Variants in SPIDR observed in about 807,000 individuals in gnomAD.
SPIDR encodes scaffold protein involved in DNA repair.
SPIDR carries 93 observed loss-of-function variants against 104.6 expected under a neutral mutation model. The ratio of observed to expected loss-of-function variants is 0.89; its 90% confidence interval spans 0.75 to 1.06. SPIDR has a LOEUF of 1.06. Among genes scored for constraint, SPIDR ranks in the 50% least tolerant of loss-of-function variants. SPIDR has a pLI of 0.00. For missense variants in SPIDR, 1,154 were observed against 1,111.2 expected, an observed-to-expected ratio of 1.04 and a Z score of -0.55; for synonymous variants, 431 against 416.9, an observed-to-expected ratio of 1.03 and a Z score of -0.41.
rs924400573 is a variant in SPIDR at position 47,671,623 on chromosome 8, C to A, written c.1545-2178C>A. ...AAATAAATAAATAAATAAATAAATA[C>A]AAATAAAAAAATTAAAATGTCCTTA... On this transcript the variant is annotated intron_variant, in intron 10 of 19. Coordinates refer to ENST00000297423, the MANE Select transcript of SPIDR (RefSeq NM_001080394.4). Among the ~76,000 whole-genome samples the A allele has an allele frequency of 5.0e-4, 40 of 80,268 alleles. No homozygotes were observed. The East Asian group carries it at 5.3e-3, about 11-fold the overall frequency. 52.7% of individuals were successfully genotyped at this position (80,268 alleles called of 152,430 possible).
chr8:47,641,730 A>G (rs1453525640), intron 10 of SPIDR, among the ~76,000 whole-genome samples: 1 of 152,180 alleles, frequency 6.6e-6, no homozygotes, highest in East Asian at 1.9e-4. Context: ...CAACTGAAGC[A>G]GGGAAACTTG....
At chr8:47,647,655 G>A (rs112549667) in intron 10 of SPIDR, among the ~76,000 whole-genome samples, 1,979 of 49,086 alleles carry the variant, frequency 0.04, no homozygotes, top group South Asian at 0.051. Flanking sequence ...AGAGAGAGAG[G>A]GAGAGAGAGA....
chr8:47,418,470 G>A (rs1239693664), intron 7 of SPIDR, among the ~76,000 whole-genome samples: 4 of 152,142 alleles, frequency 2.6e-5, no homozygotes, highest in African/African-American at 9.7e-5. Flanking sequence ...AATTGATTTT[G>A]TATCCTGAGA....
At chr8:47,543,990 G>A (rs1405839076) in intron 8 of SPIDR, among the ~76,000 whole-genome samples, 1 of 152,076 alleles carries the variant, frequency 6.6e-6, no homozygotes, top group Admixed American at 6.6e-5. Context: ...TCTGGTTAAA[G>A]GTTAATAAGG....
intron 1 of SPIDR, among the ~76,000 whole-genome samples, chr8:47,268,783 A>C (rs2034631225): frequency 6.6e-6 from 1 of 152,050 alleles, no homozygotes; most frequent in Non-Finnish European, 1.5e-5. Context: ...AAATATTGAG[A>C]TTGTATCCTG....
chr8:47,324,259 T>C (rs1186504566), intron 5 of SPIDR, among the ~76,000 whole-genome samples: 2 of 152,210 alleles, frequency 1.3e-5, no homozygotes, highest in Non-Finnish European at 2.9e-5. Context: ...AACACAACTC[T>C]GTGTGATTCT....
intron 8 of SPIDR, among the ~76,000 whole-genome samples, chr8:47,518,961 T>G (rs2083586713): frequency 6.6e-6 from 1 of 152,136 alleles, no homozygotes; most frequent in African/African-American, 2.4e-5. Flanking sequence ...TTTTAAAGTC[T>G]TACGTTAGCA....
At chr8:47,324,785 T>G (rs1161688764) in intron 5 of SPIDR, among the ~76,000 whole-genome samples, 1 of 152,178 alleles carries the variant, frequency 6.6e-6, no homozygotes. Context: ...TATATTAGTT[T>G]GCTAGTGCTG....
intron 3 of SPIDR, 143 bp downstream of exon 3, chr8:47,284,237 A>G: frequency 3.2e-6 from 2 of 618,102 alleles, no homozygotes; most frequent in South Asian, 5.5e-5. Context: ...AGATAAGGTA[A>G]AAAGATATTT....
intron 5 of SPIDR, among the ~76,000 whole-genome samples, chr8:47,303,680 A>G (rs1012686688): frequency 1.3e-5 from 2 of 152,122 alleles, no homozygotes; most frequent in Non-Finnish European, 2.9e-5. Flanking sequence ...CATATGTTGA[A>G]CCATCTTTGC....
intron 16 of SPIDR, among the ~76,000 whole-genome samples, chr8:47,726,046 G>A (rs118118448): frequency 0.033 from 4,957 of 152,326 alleles, 116 homozygotes; most frequent in Non-Finnish European, 0.053. Context: ...GGGATGCCCC[G>A]GCTCCTTTCT....
intron 16 of SPIDR, among the ~76,000 whole-genome samples, chr8:47,721,200 C>A (rs1236619540): frequency 1.3e-5 from 2 of 152,190 alleles, no homozygotes; most frequent in African/African-American, 4.8e-5. Context: ...TCTAGATTTT[C>A]TCCTGTTTTC....
intron 11 of SPIDR, among the ~76,000 whole-genome samples, chr8:47,686,376 C>G (rs189853258): frequency 1.2e-4 from 18 of 152,170 alleles, no homozygotes; most frequent in African/African-American, 4.3e-4. Flanking sequence ...GCTGAATTCT[C>G]AAAATTGGAA....
intron 10 of SPIDR, among the ~76,000 whole-genome samples, chr8:47,667,337 T>C (rs1035272637): frequency 4.6e-5 from 7 of 151,130 alleles, no homozygotes; most frequent in African/African-American, 1.7e-4. Context: ...GTGGCTCATG[T>C]TGATAATCCC....
At chr8:47,360,600 A>G (rs2055663769) in intron 5 of SPIDR, among the ~76,000 whole-genome samples, 1 of 152,144 alleles carries the variant, frequency 6.6e-6, no homozygotes, top group Non-Finnish European at 1.5e-5. Context: ...GGCTGTTGGT[A>G]AACTCCAGCC....
chr8:47,462,976 C>T (rs1423006285), intron 8 of SPIDR, among the ~76,000 whole-genome samples: 1 of 152,078 alleles, frequency 6.6e-6, no homozygotes, highest in African/African-American at 2.4e-5. Context: ...GTACAATTTT[C>T]TACAAAAACA....
At chr8:47,268,929 G>T (rs1326147235) in intron 1 of SPIDR, among the ~76,000 whole-genome samples, 1 of 152,180 alleles carries the variant, frequency 6.6e-6, no homozygotes, top group Non-Finnish European at 1.5e-5. Context: ...CACTTTGGGA[G>T]GCTGAGGCGG....
Position 47,390,865 on chromosome 8 carries a change from T to C in SPIDR, c.526-5511T>C, listed in dbSNP as rs144753836. On this transcript the variant is annotated intron_variant, in intron 5 of 19. Coordinates refer to ENST00000297423, the MANE Select transcript of SPIDR (RefSeq NM_001080394.4). ...CAAATCTGTCTTGTTCCAAAACTTATGGCCCTCCTTTCTCGTTAGTCTGAT... is the reference window on the plus strand; with the variant it reads ...CAAATCTGTCTTGTTCCAAAACTTACGGCCCTCCTTTCTCGTTAGTCTGAT... Among the ~76,000 whole-genome samples, 858 of 152,302 alleles carry C rather than the reference T, an allele frequency of 5.6e-3. 10 individuals carry two copies. The highest frequency in any genetic ancestry group is 0.014 in the Middle Eastern group (4 of 294).
At chr8:47,379,985 C>G (rs375196284) in intron 5 of SPIDR, among the ~76,000 whole-genome samples, 1 of 152,210 alleles carries the variant, frequency 6.6e-6, no homozygotes, top group Admixed American at 6.5e-5. Context: ...CAATTTCTTC[C>G]ATTTTCCCCA....
Sources: gnomAD v4.1 joint callset for allele counts (sites outside exome capture counted in the v4.1 genomes callset) on GRCh38, gnomAD v4.1.1 for gene constraint, MANE v1.5 for transcripts, NCBI Gene and HGNC (gene_info 2026-07-23, HGNC 2026-07-21) for gene names.